FEM1A: variants seen among roughly 807,000 people sequenced by gnomAD.
FEM1A encodes fem-1 homolog A, also known as protein fem-1 homolog A.
A neutral mutation model predicts 0.7 loss-of-function variants in FEM1A; 1 was observed. The ratio of observed to expected loss-of-function variants is 1.35; its 90% CI spans 0.48 to 6.40. The LOEUF is 6.40. FEM1A is among the 30% of genes most tolerant of loss of function. The pLI is 0.14. For synonymous variants in FEM1A, 391 were observed against 420.6 expected (o/e 0.93, Z 0.86); for missense variants, 721 against 918.7 (o/e 0.78, Z 2.78).
chr19:4,800,531 G>C lies in FEM1A; in HGVS notation c.*6667G>C, dbSNP rs2093567374. 6.6e-6 allele frequency: 1 copy of C among 152,330 alleles called. No homozygotes were observed. Among genetic ancestry groups the C allele is most frequent in the Non-Finnish European group, 1.5e-5 (1 of 68,118 alleles). The allele number at this position is 152,330 out of a possible 1,614,324, so 9.4% of individuals were successfully genotyped here. A position where few individuals can be genotyped will look rare whatever the true frequency, so the allele number is the denominator to read the frequency against. On this transcript the variant is annotated 3_prime_UTR_variant, in exon 1 of 1. Transcript: ENST00000269856. ...TCTTAGACCCTCCCCAGCACTTTGA[G>C]GGTGTCAGTCACTGCTGCGTCCTCA...
In FEM1A at chr19:4,792,122, G is replaced by A. The variant is rs1473051763; in HGVS notation, c.268G>A (p.Ala90Thr). 3.3e-6 allele frequency: 5 copies of A among 1,520,516 alleles called. No homozygotes were observed. In the East Asian group the frequency reaches 7.6e-5, roughly 23 times the overall value. The allele number at this position is 1,520,516 out of a possible 1,614,324, so 94.2% of individuals were successfully genotyped here. A position where few individuals can be genotyped will look rare whatever the true frequency, so the allele number is the denominator to read the frequency against. Residue 90 changes from alanine (A) to threonine (T), a missense_variant, in exon 1 of 1, where the codon GCC becomes ACC. By Grantham distance (58) the Ala-to-Thr change is moderately conservative. Coordinates refer to ENST00000269856, the MANE Select transcript of FEM1A (RefSeq NM_018708.3). The surrounding 1 kb of genome is among the most constrained non-coding windows in gnomAD (Gnocchi z 6.7). ...TIEGAPPLWA[A>T]SAAGHLDVVR... is the part of the protein sequence containing the mutation. ...CGAGGGCGCGCCGCCGCTGTGGGCC[G>A]CCTCCGCAGCCGGCCACCTGGACGT...
At position 4,797,778 on chromosome 19, in the gene FEM1A, A is replaced by C. The variant is rs1168936877; in HGVS notation, c.*3914A>C. The stretch of plus-strand genomic sequence containing the variant: ...GTGAGATCCTGTCTCTACAAAAAAA[A>C]AAAAAAAAAAAAATTAGCCATGTGT... On this transcript the variant is annotated 3_prime_UTR_variant, in exon 1 of 1. Transcript: ENST00000269856. The C allele has an allele frequency of 6.8e-6, 1 of 146,642 alleles. No individual in the cohort carries two copies. Among genetic ancestry groups the C allele is most frequent in the Non-Finnish European group, 1.5e-5 (1 of 66,674 alleles). 9.1% of individuals were successfully genotyped at this position (146,642 alleles called of 1,614,324 possible).
In FEM1A at chr19:4,795,471, T is replaced by C. The variant is rs2093560113; in HGVS notation, c.*1607T>C. 6.0e-6 allele frequency: 1 copy of C among 165,750 alleles called. No homozygotes were observed. The highest frequency in any genetic ancestry group is 1.5e-5 in the Non-Finnish European group (1 of 67,904). The allele number at this position is 165,750 out of a possible 1,614,324, so 10.3% of individuals were successfully genotyped here. Reference sequence around the variant, plus strand: ...AGGTGGGAAATGGTGTCCCTGTCCCTCCCAAAGCACAGAGCACAGAAATGA... The same window carrying C: ...AGGTGGGAAATGGTGTCCCTGTCCCCCCCAAAGCACAGAGCACAGAAATGA... On this transcript the variant is annotated 3_prime_UTR_variant, in exon 1 of 1. Coordinates refer to ENST00000269856, the MANE Select transcript of FEM1A (RefSeq NM_018708.3).
At position 4,793,731 on chromosome 19, in the gene FEM1A, TG is replaced by T; in HGVS notation, c.1879del (p.Ala627ProfsTer11). ...TAYELLDEKLLARGTMQPFNY... is the reference protein window; with the variant it reads ...TAYELLDEKLXARGTMQPFNY... ...TACGAGCTGCTGGACGAGAAGCTGC[TG>T]GCCAGGGGTACCATGCAGCCCTTCA... On this transcript the variant is annotated frameshift_variant, in exon 1 of 1. Coordinates refer to ENST00000269856, the MANE Select transcript of FEM1A (RefSeq NM_018708.3). LOFTEE classifies it high-confidence loss of function. The surrounding 1 kb of genome is among the most constrained non-coding windows in gnomAD (Gnocchi z 5.1). 1 of 1,612,196 alleles carries T rather than the reference TG, an allele frequency of 6.2e-7. No homozygotes were observed. The highest frequency in any genetic ancestry group is 1.1e-5 in the South Asian group (1 of 91,020).
rs1002756614 is a variant in FEM1A, at chr19:4,798,483, G to C, written c.*4619G>C. 6.6e-6 allele frequency: 1 copy of C among 151,102 alleles called. No individual in the cohort carries two copies. The highest frequency in any genetic ancestry group is 1.5e-5 in the Non-Finnish European group (1 of 67,948). 9.4% of individuals were successfully genotyped at this position (151,102 alleles called of 1,614,324 possible). A position where few individuals can be genotyped will look rare whatever the true frequency, so the allele number is the denominator to read the frequency against. On this transcript the variant is annotated 3_prime_UTR_variant, in exon 1 of 1. Transcript: ENST00000269856. ...AAATTAGCCAGGCATGGTGGTGGGC[G>C]CTTGTAGTCCCAGCTACTCGGGAGG... is the stretch of plus-strand genomic sequence containing the variant.
In FEM1A at chr19:4,794,116, A is replaced by G; in HGVS notation, c.*252A>G. On this transcript the variant is annotated 3_prime_UTR_variant, in exon 1 of 1. Transcript: ENST00000269856. Reference sequence around the variant, plus strand: ...CCCGCTCACTCATTCTGAGTTAGGAAAAGACACAAGACCTTCCCCACATCC... The same window carrying G: ...CCCGCTCACTCATTCTGAGTTAGGAGAAGACACAAGACCTTCCCCACATCC... 1 of 508,768 alleles carries G rather than the reference A, an allele frequency of 2.0e-6. No homozygotes were observed. The highest frequency in any genetic ancestry group is 3.7e-6 in the Non-Finnish European group (1 of 273,760). The allele number at this position is 508,768 out of a possible 1,614,324, so 31.5% of individuals were successfully genotyped here. A position where few individuals can be genotyped will look rare whatever the true frequency, so the allele number is the denominator to read the frequency against.
Position 4,798,672 on chromosome 19 carries a change from T to C in FEM1A, c.*4808T>C, listed in dbSNP as rs1171589636. 3 of 151,356 alleles carry C rather than the reference T, an allele frequency of 2.0e-5. No homozygotes were observed. The highest frequency in any genetic ancestry group is 4.9e-5 in the African/African-American group (2 of 41,182). 9.4% of individuals were successfully genotyped at this position (151,356 alleles called of 1,614,324 possible). On this transcript the variant is annotated 3_prime_UTR_variant, in exon 1 of 1. Coordinates refer to ENST00000269856, the MANE Select transcript of FEM1A (RefSeq NM_018708.3). ...ACAGCGCATGAAGGAAGGGTCGAGA[T>C]TGGAACCCAGGACCGTCAGAGTTCA...
At position 4,796,239 on chromosome 19, in the gene FEM1A, T is replaced by A. The variant is rs894500643; in HGVS notation, c.*2375T>A. 1 of 149,240 alleles carries A rather than the reference T, an allele frequency of 6.7e-6. No homozygotes were observed. The highest frequency in any genetic ancestry group is 1.5e-5 in the Non-Finnish European group (1 of 67,638). 9.2% of individuals were successfully genotyped at this position (149,240 alleles called of 1,614,324 possible). On this transcript the variant is annotated 3_prime_UTR_variant, in exon 1 of 1. Transcript: ENST00000269856. The stretch of plus-strand genomic sequence containing the variant: ...TGGAGTCTTGCTCTGTCACCCAGGC[T>A]GGAGTGCAGTGACGCCATCTCGGCT...
In FEM1A at chr19:4,794,830, C is replaced by T. The variant is rs1208758840; in HGVS notation, c.*966C>T. 1 of 166,788 alleles carries T rather than the reference C, an allele frequency of 6.0e-6. No individual in the cohort carries two copies. Among genetic ancestry groups the T allele is most frequent in the Non-Finnish European group, 1.5e-5 (1 of 68,094 alleles). The allele number at this position is 166,788 out of a possible 1,614,324, so 10.3% of individuals were successfully genotyped here. On this transcript the variant is annotated 3_prime_UTR_variant, in exon 1 of 1. Coordinates refer to ENST00000269856, the MANE Select transcript of FEM1A (RefSeq NM_018708.3). ...CTTCCAAACAGAAATCAGGAGTGAC[C>T]ACAAAGCCTGAAAACACTTTGCCAC...
In FEM1A at chr19:4,792,704, G is replaced by GA; in HGVS notation, c.852dup (p.Ser285IlefsTer27). On this transcript the variant is annotated frameshift_variant, in exon 1 of 1. Coordinates refer to ENST00000269856, the MANE Select transcript of FEM1A (RefSeq NM_018708.3). LOFTEE classifies it low-confidence loss of function (END_TRUNC). The surrounding 1 kb of genome is among the most constrained non-coding windows in gnomAD (Gnocchi z 6.7). ...CTCCCCAGAGGAACCACTGAACGGGGAATCTTACGAAAGCTGCTGTCCCAC... is the reference window on the plus strand; with the variant it reads ...CTCCCCAGAGGAACCACTGAACGGGGAAATCTTACGAAAGCTGCTGTCCCAC... 2.5e-6 allele frequency: 4 copies of GA among 1,612,118 alleles called. No individual in the cohort carries two copies. The highest frequency in any genetic ancestry group is 3.4e-6 in the Non-Finnish European group (4 of 1,179,862).
Position 4,795,450 on chromosome 19 carries a change from G to A in FEM1A, c.*1586G>A, listed in dbSNP as rs1482475290. 1 of 166,402 alleles carries A rather than the reference G, an allele frequency of 6.0e-6. No homozygotes were observed. Among genetic ancestry groups the A allele is most frequent in the Non-Finnish European group, 1.5e-5 (1 of 68,046 alleles). The allele number at this position is 166,402 out of a possible 1,614,324, so 10.3% of individuals were successfully genotyped here. ...AGACAGGTTTTAACTCAGCCGAGGT[G>A]GGAAATGGTGTCCCTGTCCCTCCCA... On this transcript the variant is annotated 3_prime_UTR_variant, in exon 1 of 1. Coordinates refer to ENST00000269856, the MANE Select transcript of FEM1A (RefSeq NM_018708.3).
Position 4,792,477 on chromosome 19 carries a change from G to T in FEM1A, c.623G>T (p.Arg208Leu). ...CAGCTGCTGCTGGGGTGCAAGGCCC[G>T]CATGGAACGTGACGGCTACGGCATG... is the stretch of plus-strand genomic sequence containing the variant. ...ILQLLLGCKA[R>L]MERDGYGMTP... The change falls in exon 1 of 1, where the codon CGC (arginine) becomes CTC (leucine). Residue 208 changes from arginine to leucine, a missense_variant. By Grantham distance (102) the Arg-to-Leu change is moderately radical. This residue lies in a region of FEM1A where 195 missense variants were observed against 316.9 expected (regional missense o/e 0.62). Transcript: ENST00000269856. This position sits in a 1 kb window ranked among gnomAD's most constrained non-coding sequence, Gnocchi z 6.7. 6.3e-7 allele frequency: 1 copy of T among 1,597,326 alleles called. No individual in the cohort carries two copies. Among genetic ancestry groups the T allele is most frequent in the Non-Finnish European group, 8.5e-7 (1 of 1,179,652 alleles).
chr19:4,799,343 G>A lies in FEM1A; in HGVS notation c.*5479G>A, dbSNP rs1173358442. On this transcript the variant is annotated 3_prime_UTR_variant, in exon 1 of 1. Coordinates refer to ENST00000269856, the MANE Select transcript of FEM1A (RefSeq NM_018708.3). ...GAAGGAGAATCGCTTGAACCCGGGA[G>A]ATGGAGGTTGCAGTGAGCCGAGATT... is the stretch of plus-strand genomic sequence containing the variant. The A allele has an allele frequency of 1.3e-5, 2 of 152,454 alleles. No individual in the cohort carries two copies. The highest frequency in any genetic ancestry group is 2.9e-5 in the Non-Finnish European group (2 of 68,240). The allele number at this position is 152,454 out of a possible 1,614,324, so 9.4% of individuals were successfully genotyped here. A position where few individuals can be genotyped will look rare whatever the true frequency, so the allele number is the denominator to read the frequency against.
In FEM1A at chr19:4,800,626, G is replaced by A. The variant is rs979361901; in HGVS notation, c.*6762G>A. Reference sequence around the variant, plus strand: ...TGGGCTGAGCAAGCGAACAGTGAACGAGTTGGGAATTCACATCCTCCTCTG... The same window carrying A: ...TGGGCTGAGCAAGCGAACAGTGAACAAGTTGGGAATTCACATCCTCCTCTG... On this transcript the variant is annotated 3_prime_UTR_variant, in exon 1 of 1. Coordinates refer to ENST00000269856, the MANE Select transcript of FEM1A (RefSeq NM_018708.3). The A allele has an allele frequency of 1.3e-5, 2 of 152,338 alleles. No individual in the cohort carries two copies. The highest frequency in any genetic ancestry group is 2.4e-5 in the African/African-American group (1 of 41,462). The allele number at this position is 152,338 out of a possible 1,614,324, so 9.4% of individuals were successfully genotyped here.
At position 4,793,395 on chromosome 19, in the gene FEM1A, A is replaced by G. The variant is rs776351507; in HGVS notation, c.1541A>G (p.Gln514Arg). The change falls in exon 1 of 1, where the codon CAG (glutamine) becomes CGG (arginine). Residue 514 changes from glutamine to arginine, a missense_variant. By Grantham distance (43) the Gln-to-Arg change is conservative. Transcript: ENST00000269856. This position sits in a 1 kb window ranked among gnomAD's most constrained non-coding sequence, Gnocchi z 5.1. The part of the protein sequence containing the change: ...LLEKVECTPS[Q>R]EHLKHQTVYR... ...GAGAAAGTGGAGTGCACCCCCAGCC[A>G]GGAGCACCTGAAGCACCAGACCGTC... 109 of 1,612,090 alleles carry G rather than the reference A, an allele frequency of 6.8e-5. No homozygotes were observed. The highest frequency in any genetic ancestry group is 8.7e-5 in the Non-Finnish European group (103 of 1,179,862).
At position 4,793,241 on chromosome 19, in the gene FEM1A, G is replaced by A; in HGVS notation, c.1387G>A (p.Asp463Asn). ...GSLGTQIGFA[D>N]LMGVLTKGVR... ...CCTGGGCACCCAGATCGGCTTTGCAGACCTCATGGGGGTTCTCACCAAAGG... is the reference window on the plus strand; with the variant it reads ...CCTGGGCACCCAGATCGGCTTTGCAAACCTCATGGGGGTTCTCACCAAAGG... The change falls in exon 1 of 1, where the codon GAC becomes AAC. Residue 463 changes from aspartate (D) to asparagine (N), a missense_variant. Physicochemically the swap from Asp to Asn is conservative, Grantham distance 23. This residue lies in a region of FEM1A where 379 missense variants were observed against 454.8 expected (regional missense o/e 0.83). Transcript: ENST00000269856. This position sits in a 1 kb window ranked among gnomAD's most constrained non-coding sequence, Gnocchi z 5.1. 1.2e-6 allele frequency: 2 copies of A among 1,613,444 alleles called. No individual in the cohort carries two copies. The highest frequency in any genetic ancestry group is 1.7e-6 in the Non-Finnish European group (2 of 1,180,024).
In FEM1A at chr19:4,793,838, C is replaced by G; in HGVS notation, c.1984C>G (p.Leu662Val). 1 of 1,607,504 alleles carries G rather than the reference C, an allele frequency of 6.2e-7. No homozygotes were observed. Among genetic ancestry groups the G allele is most frequent in the Non-Finnish European group, 8.5e-7 (1 of 1,177,914 alleles). Residue 662 changes from leucine (L) to valine (V), a missense_variant, in exon 1 of 1, where the codon CTG becomes GTG. Around this residue, in one of 4 missense-constraint regions of FEM1A, gnomAD observed 10 missense variants for 25.3 expected, o/e 0.39. Transcript: ENST00000269856. This position sits in a 1 kb window ranked among gnomAD's most constrained non-coding sequence, Gnocchi z 5.1. ...TTACAAGGGCTTCATCCCGGAAGAT[C>G]TGGAGGCGTTCATCGAACTGCACTG... ...IPYKGFIPED[L>V]EAFIELH
rs1432404536 is a variant in FEM1A at position 4,795,348 on chromosome 19, GT to G, written c.*1485del. The G allele has an allele frequency of 1.2e-5, 2 of 164,626 alleles. No homozygotes were observed. The highest frequency in any genetic ancestry group is 4.9e-5 in the African/African-American group (2 of 40,658). The allele number at this position is 164,626 out of a possible 1,614,324, so 10.2% of individuals were successfully genotyped here. A position where few individuals can be genotyped will look rare whatever the true frequency, so the allele number is the denominator to read the frequency against. On this transcript the variant is annotated 3_prime_UTR_variant, in exon 1 of 1. Coordinates refer to ENST00000269856, the MANE Select transcript of FEM1A (RefSeq NM_018708.3). Reference sequence around the variant, plus strand: ...GACCGGGGGTGTCCAGAAATATCCTGTCCCTGGATGGAAACTAGGTCTCGTT... The same window carrying G: ...GACCGGGGGTGTCCAGAAATATCCTGCCCTGGATGGAAACTAGGTCTCGTT...
In FEM1A at chr19:4,794,138, A is replaced by G. The variant is rs1225487181; in HGVS notation, c.*274A>G. 4.6e-6 allele frequency: 2 copies of G among 433,726 alleles called. No individual in the cohort carries two copies. Among genetic ancestry groups the G allele is most frequent in the African/African-American group, 2.0e-5 (1 of 49,878 alleles). 26.9% of individuals were successfully genotyped at this position (433,726 alleles called of 1,614,324 possible). A position where few individuals can be genotyped will look rare whatever the true frequency, so the allele number is the denominator to read the frequency against. ...GGAAAAGACACAAGACCTTCCCCACATCCTGTCTGCCTGGGTTAGGGAGGC... is the reference window on the plus strand; with the variant it reads ...GGAAAAGACACAAGACCTTCCCCACGTCCTGTCTGCCTGGGTTAGGGAGGC... On this transcript the variant is annotated 3_prime_UTR_variant, in exon 1 of 1. Coordinates refer to ENST00000269856, the MANE Select transcript of FEM1A (RefSeq NM_018708.3).
Sources: allele counts gnomAD v4.1 joint callset, GRCh38; gene constraint gnomAD v4.1.1; regional missense constraint gnomAD v4.1.1; non-coding constraint Gnocchi (gnomAD v3.1); transcripts MANE v1.5; gene names NCBI Gene and HGNC (gene_info 2026-07-23, HGNC 2026-07-21).